PBRM1: variants seen among roughly 807,000 people sequenced by gnomAD.
PBRM1 encodes the protein polybromo 1.
A neutral mutation model predicts 194.5 loss-of-function variants in PBRM1; 27 were observed. The observed-to-expected ratio is 0.14, with a 90% CI of 0.10 to 0.19. The LOEUF (loss-of-function observed/expected upper bound fraction) is 0.19. Among genes scored for constraint, PBRM1 ranks in the 10% least tolerant of loss-of-function variants. PBRM1 has a pLI of 1.00. For missense variants in PBRM1, 1,466 were observed against 2,077.2 expected (o/e 0.71, Z 5.72); for synonymous variants, 655 against 693.2 (o/e 0.94, Z 0.87).
chr3:52,622,003 G>A (rs1323187584), intron 13 of PBRM1, among the ~76,000 whole-genome samples: 1 of 152,126 alleles, frequency 6.6e-6, no homozygotes, highest in African/African-American at 2.4e-5. Flanking sequence ...CCATGATGGT[G>A]CCACTGCACT....
At chr3:52,557,877 C>T (rs1352689571) in intron 26 of PBRM1, among the ~76,000 whole-genome samples, 1 of 152,236 alleles carries the variant, frequency 6.6e-6, no homozygotes, top group African/African-American at 2.4e-5. Context: ...GGAAAATCAA[C>T]ACCACCTAAA....
chr3:52,672,548 G>A (rs1328044785), intron 2 of PBRM1, among the ~76,000 whole-genome samples: 2 of 139,850 alleles, frequency 1.4e-5, no homozygotes, highest in Admixed American at 7.8e-5. Flanking sequence ...AGGCTGGAGT[G>A]CAACAGCGTT....
intron 11 of PBRM1, 92 bp from the exon 13 acceptor site, chr3:52,629,127 T>C: frequency 2.1e-6 from 2 of 955,054 alleles, no homozygotes; most frequent in South Asian, 1.5e-5. Flanking sequence ...TGACAAGCAC[T>C]ACATGGTATC....
At chr3:52,624,100 T>C (rs1230581345) in intron 13 of PBRM1, among the ~76,000 whole-genome samples, 2 of 152,210 alleles carry the variant, frequency 1.3e-5, no homozygotes, top group Non-Finnish European at 2.9e-5. Context: ...TTCCTAAAGC[T>C]ATCTGGGCAA....
intron 3 of PBRM1, among the ~76,000 whole-genome samples, chr3:52,668,175 T>C (rs770536496): frequency 6.6e-6 from 1 of 152,160 alleles, no homozygotes; most frequent in Non-Finnish European, 1.5e-5. Flanking sequence ...CACGTGCCTA[T>C]AGTGCCAGCT....
intron 10 of PBRM1, among the ~76,000 whole-genome samples, chr3:52,641,446 C>CAAAAAAAAAAAAAAAAAAAA (rs386396638): frequency 2.3e-4 from 16 of 69,880 alleles, no homozygotes; most frequent in East Asian, 4.0e-4. Context: ...GACTCCATCT[C>CAAAAAAAAAAAAAAAAAAAA]AAAAAAAAAA....
intron 19 of PBRM1, 25 bp from the exon 22 acceptor site, chr3:52,586,713 A>G (rs2153778959): frequency 6.8e-7 from 1 of 1,462,322 alleles, no homozygotes. Context: ...GGGCATAAGA[A>G]TAAAACTAGT....
intron 27 of PBRM1, among the ~76,000 whole-genome samples, chr3:52,554,323 CAG>C (rs1205381783): frequency 1.3e-5 from 2 of 152,172 alleles, no homozygotes; most frequent in African/African-American, 2.4e-5. Context: ...AAATGCAACT[CAG>C]GGGCAAAAAA....
intron 22 of PBRM1, among the ~76,000 whole-genome samples, chr3:52,571,854 CCCAAAAAAAAAAAAAAAAA>C (rs2087427153): frequency 2.7e-5 from 1 of 36,682 alleles, no homozygotes; most frequent in Non-Finnish European, 5.7e-5. Context: ...ACCTCATCTC[CCCAAAAAAAAAAAAAAAAA>C]AAAAAAAAAA....
chr3:52,637,941 C>T lies in PBRM1; in HGVS notation c.1088-3126G>A, dbSNP rs964287365. On this transcript the variant is annotated intron_variant, in intron 10 of 29. Transcript: ENST00000296302. ...AGCCTGGGCAACAACAGCGAAACTC[C>T]GTCTCAAGAGAAAAGAAAAAAGAAA... Among the ~76,000 whole-genome samples the T allele has an allele frequency of 5.3e-5, 8 of 151,824 alleles. No individual in the cohort carries two copies. The South Asian group carries it at 1.0e-3, about 20-fold the overall frequency.
chr3:52,588,548 CTTTCTT>C lies in PBRM1; in HGVS notation c.2965+516_2965+521del, dbSNP rs1183511465. 7.0e-3 allele frequency among the ~76,000 whole-genome samples: 955 copies of C among 136,716 alleles called. 4 individuals are homozygous for C. Among genetic ancestry groups the C allele is most frequent in the Non-Finnish European group, 0.01 (665 of 63,530 alleles). 89.7% of individuals were successfully genotyped at this position (136,716 alleles called of 152,430 possible). ...AACCAGACTTTAAGAAGCTGTATTT[CTTTCTT>C]TTTTTTTTTTTTTTTTTTTGAGACA... On this transcript the variant is annotated intron_variant, in intron 18 of 29. Transcript: ENST00000296302.
intron 20 of PBRM1, among the ~76,000 whole-genome samples, chr3:52,584,481 G>A (rs1283992974): frequency 1.6e-4 from 13 of 83,768 alleles, no homozygotes; most frequent in Non-Finnish European, 2.3e-4. Flanking sequence ...TTTTTGAGAC[G>A]GTCTTGCTCT....
At chr3:52,564,071 T>A in exon 23 of PBRM1, 1 of 1,609,124 alleles carries the variant, frequency 6.2e-7, no homozygotes, top group Non-Finnish European at 8.5e-7. Context: ...AATTTCATCA[T>A]CTACCACTTT....
At chr3:52,630,808 A>G (rs2095595114) in intron 11 of PBRM1, among the ~76,000 whole-genome samples, 1 of 152,252 alleles carries the variant, frequency 6.6e-6, no homozygotes, top group Non-Finnish European at 1.5e-5. Context: ...AGCAAAGTTT[A>G]TATTAGAAAA....
chr3:52,637,587 C>T, intron 10 of PBRM1, among the ~76,000 whole-genome samples: 1 of 151,488 alleles, frequency 6.6e-6, no homozygotes, highest in Admixed American at 6.6e-5. Flanking sequence ...GAGCTGAGAT[C>T]ACGCCACTGC....
upstream of PBRM1, chr3:52,685,892 C>A: frequency 1.6e-6 from 1 of 628,768 alleles, no homozygotes; most frequent in Non-Finnish European, 2.9e-6. Context: ...TCCCTTACCC[C>A]TCCCGGTGCC....
intron 1 of PBRM1, among the ~76,000 whole-genome samples, chr3:52,679,043 C>T (rs59182119): frequency 6.6e-6 from 1 of 152,112 alleles, no homozygotes. Context: ...CAGTTTCCTT[C>T]TCCTTCCTGA....
chr3:52,589,630 C>T (rs1461576318), intron 17 of PBRM1, among the ~76,000 whole-genome samples: 1 of 152,090 alleles, frequency 6.6e-6, no homozygotes, highest in African/African-American at 2.4e-5. Context: ...TACTTCATCC[C>T]CACCTTAATG....
intron 10 of PBRM1, among the ~76,000 whole-genome samples, chr3:52,638,297 T>C (rs1354826930): frequency 1.3e-5 from 2 of 152,172 alleles, no homozygotes; most frequent in African/African-American, 4.8e-5. Context: ...CATGAGTTTA[T>C]TTAAAATTCT....
Sources: allele counts gnomAD v4.1 joint callset (sites outside exome capture counted in the v4.1 genomes callset), GRCh38; gene constraint gnomAD v4.1.1; transcripts MANE v1.5; gene names NCBI Gene and HGNC (gene_info 2026-07-23, HGNC 2026-07-21).